The following SYNE2 variants were observed in gnomAD, a reference collection of about 807,000 sequenced individuals.
The protein encoded by SYNE2 is spectrin repeat containing nuclear envelope protein 2.
In SYNE2, 431 loss-of-function variants were observed where a neutral mutation model predicts 856.3. That is an observed-to-expected ratio of 0.50 (90% CI 0.47 to 0.55). The LOEUF is 0.55. Among genes scored for constraint, SYNE2 ranks in the 20% least tolerant of loss-of-function variants. The pLI is 0.00. For synonymous variants in SYNE2, 2,923 were observed against 2,872.3 expected (o/e 1.02, Z -0.56); for missense variants, 8,129 against 8,023.2 (o/e 1.01, Z -0.50).
intron 95 of SYNE2, among the ~76,000 whole-genome samples, chr14:64,176,474 A>G (rs974357024): frequency 1.3e-5 from 2 of 152,366 alleles, no homozygotes; most frequent in African/African-American, 4.8e-5. Flanking sequence ...TGCTTTAAGC[A>G]GAAGGTGGTA....
At chr14:64,129,626 A>G (rs1014537118) in intron 74 of SYNE2, among the ~76,000 whole-genome samples, 156 bp from the exon 75 acceptor site, 2 of 152,190 alleles carry the variant, frequency 1.3e-5, no homozygotes, top group African/African-American at 2.4e-5. Context: ...GACCTCTGGC[A>G]AGATTGTTAA....
intron 11 of SYNE2, among the ~76,000 whole-genome samples, chr14:63,969,622 T>C (rs961372861): frequency 3.3e-5 from 5 of 152,098 alleles, no homozygotes; most frequent in Non-Finnish European, 7.4e-5. Context: ...ATTACAGGCA[T>C]GAGCCACTGT....
chr14:63,995,311 C>A, intron 23 of SYNE2, 109 bp downstream of exon 23: 1 of 861,672 alleles, frequency 1.2e-6, no homozygotes, highest in Non-Finnish European at 1.9e-6. Flanking sequence ...ATTACCCTAG[C>A]CCTCCTCTCC....
intron 2 of SYNE2, among the ~76,000 whole-genome samples, chr14:63,928,295 G>A (rs566898813): frequency 1.3e-5 from 2 of 152,176 alleles, no homozygotes; most frequent in Admixed American, 6.5e-5. Context: ...TGACAGGCAC[G>A]TACTTTTTTC....
intron 100 of SYNE2, among the ~76,000 whole-genome samples, chr14:64,203,481 T>C (rs2098588191): frequency 6.6e-6 from 1 of 152,230 alleles, no homozygotes; most frequent in African/African-American, 2.4e-5. Context: ...ATGCATGCTC[T>C]GAGCCAACCC....
intron 9 of SYNE2, among the ~76,000 whole-genome samples, chr14:63,962,777 A>G (rs551127452): frequency 6.6e-6 from 1 of 152,142 alleles, no homozygotes; most frequent in South Asian, 2.1e-4. Flanking sequence ...CCTGGCCTCA[A>G]GTGATCTGCC....
At chr14:64,031,987 G>A (rs28669707) in intron 45 of SYNE2, among the ~76,000 whole-genome samples, 114,383 of 152,176 alleles carry the variant, frequency 0.75, 45,313 homozygotes, top group Non-Finnish European at 0.88. Flanking sequence ...CCAGTAAACT[G>A]TATTTGAGAG....
intron 66 of SYNE2, among the ~76,000 whole-genome samples, chr14:64,119,010 ATCT>A (rs1198570678): frequency 2.0e-5 from 3 of 152,150 alleles, no homozygotes; most frequent in Non-Finnish European, 4.4e-5. Context: ...TTCGGTTATT[ATCT>A]TCATTTTACA....
intron 29 of SYNE2, among the ~76,000 whole-genome samples, 167 bp from the exon 30 acceptor site, chr14:64,002,553 G>A (rs1404363460): frequency 6.6e-6 from 1 of 152,142 alleles, no homozygotes; most frequent in East Asian, 1.9e-4. Flanking sequence ...CTGGCACATT[G>A]ATCATTTGTA....
chr14:63,863,514 C>T (rs1181613191), intron 1 of SYNE2, among the ~76,000 whole-genome samples: 1 of 152,096 alleles, frequency 6.6e-6, no homozygotes, highest in Non-Finnish European at 1.5e-5. Flanking sequence ...TAAAATATTA[C>T]TCAGAAGATA....
intron 41 of SYNE2, among the ~76,000 whole-genome samples, chr14:64,025,845 G>T (rs995539634): frequency 6.6e-6 from 1 of 152,124 alleles, no homozygotes; most frequent in Non-Finnish European, 1.5e-5. Context: ...AGTGGGAGGG[G>T]AAAGCAAGGA....
At chr14:63,916,312 TTCCTC>T (rs1166141300) in intron 2 of SYNE2, among the ~76,000 whole-genome samples, 1 of 152,232 alleles carries the variant, frequency 6.6e-6, no homozygotes, top group African/African-American at 2.4e-5. Flanking sequence ...GAGTTATAAA[TTCCTC>T]TCACTGTAAA....
At chr14:64,024,638 T>C (rs541152034) in intron 39 of SYNE2, among the ~76,000 whole-genome samples, 179 bp downstream of exon 39, 101 of 152,330 alleles carry the variant, frequency 6.6e-4, no homozygotes, top group Non-Finnish European at 1.2e-3. Context: ...ATCTTCACAT[T>C]GTCTAATGTA....
intron 1 of SYNE2, among the ~76,000 whole-genome samples, chr14:63,824,633 TG>T (rs1889347763): frequency 9.8e-6 from 1 of 102,378 alleles, no homozygotes; most frequent in South Asian, 4.3e-4. Flanking sequence ...AGCGAGAATC[TG>T]TCTCAAAAAA....
At chr14:64,174,779 A>G (rs2098426104) in intron 94 of SYNE2, among the ~76,000 whole-genome samples, 165 bp from the exon 95 acceptor site, 1 of 152,326 alleles carries the variant, frequency 6.6e-6, no homozygotes, top group South Asian at 2.1e-4. Flanking sequence ...AGTGTAAAAC[A>G]TTAGCTTTTG....
At chr14:63,762,026 A>G in intron 1 of SYNE2, 1 of 489,844 alleles carries the variant, frequency 2.0e-6, no homozygotes, top group Non-Finnish European at 4.2e-6. Flanking sequence ...TGTGAATATA[A>G]GCTAGTCGTT....
At chr14:63,858,962 G>A (rs1892724855) in intron 1 of SYNE2, among the ~76,000 whole-genome samples, 4 of 151,996 alleles carry the variant, frequency 2.6e-5, no homozygotes, top group Admixed American at 2.6e-4. Flanking sequence ...TATAGGTTTT[G>A]GTTTAACATT....
Position 64,225,733 on chromosome 14 carries a change from A to G in SYNE2, c.*207A>G. The stretch of plus-strand genomic sequence containing the variant: ...CCCAGGAGCAGGGAACCTGTGTGGC[A>G]GGTGCCCCGGGTATTTTGGCAGAAC... On this transcript the variant is annotated 3_prime_UTR_variant, in exon 116 of 116. Coordinates refer to ENST00000555002, the MANE Select transcript of SYNE2 (RefSeq NM_182914.3). 1 of 628,998 alleles carries G rather than the reference A, an allele frequency of 1.6e-6. No homozygotes were observed. Among genetic ancestry groups the G allele is most frequent in the Non-Finnish European group, 2.8e-6 (1 of 352,728 alleles). The allele number at this position is 628,998 out of a possible 1,614,324, so 39.0% of individuals were successfully genotyped here. A position where few individuals can be genotyped will look rare whatever the true frequency, so the allele number is the denominator to read the frequency against.
intron 92 of SYNE2, among the ~76,000 whole-genome samples, chr14:64,167,903 A>G (rs1312637933): frequency 1.3e-5 from 2 of 152,226 alleles, no homozygotes; most frequent in African/African-American, 2.4e-5. Context: ...CTTTGCTTCC[A>G]CAAAATGCAA....
Sources: allele counts gnomAD v4.1 joint callset (sites outside exome capture counted in the v4.1 genomes callset), GRCh38; gene constraint gnomAD v4.1.1; transcripts MANE v1.5; gene names NCBI Gene and HGNC (gene_info 2026-07-23, HGNC 2026-07-21).